Variants in DACH1 observed in about 807,000 individuals in gnomAD.
DACH1 encodes the protein dachshund family transcription factor 1.
DACH1 carries 12 observed loss-of-function variants against 54.2 expected under a neutral mutation model. The observed-to-expected ratio is 0.22, with a 90% CI of 0.14 to 0.36. The LOEUF is 0.36. Among genes scored for constraint, DACH1 ranks in the 10% least tolerant of loss-of-function variants. DACH1 has a pLI of 1.00. For missense variants in DACH1, 805 were observed against 929.8 expected (o/e 0.87, Z 1.75); for synonymous variants, 386 against 366.2 (o/e 1.05, Z -0.62).
intron 1 of DACH1, among the ~76,000 whole-genome samples, chr13:71,809,417 C>T (rs1887627665): frequency 6.6e-6 from 1 of 152,110 alleles, no homozygotes. Flanking sequence ...GTGATCCTCC[C>T]ACTTCGGCCT....
intron 3 of DACH1, among the ~76,000 whole-genome samples, chr13:71,603,607 T>C (rs9599864): frequency 0.12 from 17,634 of 151,972 alleles, 2,230 homozygotes; most frequent in African/African-American, 0.32. Context: ...ATAACTTGTT[T>C]TCTTTTCTGT....
chr13:71,538,242 T>C (rs1480114871), intron 6 of DACH1, among the ~76,000 whole-genome samples: 2 of 152,048 alleles, frequency 1.3e-5, no homozygotes, highest in African/African-American at 4.8e-5. Flanking sequence ...TAGAATGAAA[T>C]GTTCAGTGCC....
chr13:71,782,686 G>A (rs1300320360), intron 1 of DACH1, among the ~76,000 whole-genome samples: 1 of 151,830 alleles, frequency 6.6e-6, no homozygotes, highest in Non-Finnish European at 1.5e-5. Context: ...CCCATAGTGC[G>A]TACTCTGGCA....
chr13:71,448,196 C>G (rs1036991055), intron 10 of DACH1, among the ~76,000 whole-genome samples: 1 of 152,194 alleles, frequency 6.6e-6, no homozygotes, highest in Admixed American at 6.5e-5. Context: ...CATGCAGATG[C>G]CTCACTCTTC....
Position 71,467,518 on chromosome 13 carries a change from T to TA in DACH1, c.2083+7622dup, listed in dbSNP as rs201194334. The stretch of plus-strand genomic sequence containing the variant: ...TATAATAATAATAAAATAAAATAAA[T>TA]AAAAAAGAATAAAATATTTATGCTG... On this transcript the variant is annotated intron_variant, in intron 10 of 10. Transcript: ENST00000613252. 8.9e-3 allele frequency among the ~76,000 whole-genome samples: 1,347 copies of TA among 150,720 alleles called. 9 individuals carry two copies. Among genetic ancestry groups the TA allele is most frequent in the African/African-American group, 0.017 (714 of 41,248 alleles).
intron 10 of DACH1, among the ~76,000 whole-genome samples, chr13:71,450,661 C>T (rs1406621609): frequency 6.6e-6 from 1 of 152,132 alleles, no homozygotes; most frequent in East Asian, 1.9e-4. Context: ...AAAGCTAGGC[C>T]TCTTGCACAG....
At chr13:71,779,346 G>C (rs1430831328) in intron 1 of DACH1, among the ~76,000 whole-genome samples, 1 of 148,606 alleles carries the variant, frequency 6.7e-6, no homozygotes, top group Non-Finnish European at 1.5e-5. Context: ...AACAGAAAAC[G>C]TTTTAAGAGT....
chr13:71,560,555 T>C (rs552111194), intron 4 of DACH1, among the ~76,000 whole-genome samples: 9 of 152,306 alleles, frequency 5.9e-5, no homozygotes, highest in African/African-American at 2.2e-4. Flanking sequence ...CTAGCTTCAA[T>C]TCAACCACAC....
In DACH1 at chr13:71,482,830, G is replaced by C. The variant is rs1045861452; in HGVS notation, c.1723-3514C>G. Among the ~76,000 whole-genome samples, 46 of 120,188 alleles carry C rather than the reference G, an allele frequency of 3.8e-4. No homozygotes were observed. The Admixed American group carries it at 4.9e-3, about 13-fold the overall frequency. 78.8% of individuals were successfully genotyped at this position (120,188 alleles called of 152,430 possible). A position where few individuals can be genotyped will look rare whatever the true frequency, so the allele number is the denominator to read the frequency against. On this transcript the variant is annotated intron_variant, in intron 7 of 10. Coordinates refer to ENST00000613252, the MANE Select transcript of DACH1 (RefSeq NM_080759.6). ...TTTTTTTTTTTTGAGATGGAGTTTC[G>C]ATCTTGTTGCCCAGGCTGGCGTGCA... is the stretch of plus-strand genomic sequence containing the variant.
intron 1 of DACH1, among the ~76,000 whole-genome samples, chr13:71,782,385 T>C (rs1044032131): frequency 3.3e-5 from 5 of 151,982 alleles, no homozygotes; most frequent in African/African-American, 9.7e-5. Flanking sequence ...GAGGTTGAAG[T>C]CAGTGCAGAC....
intron 1 of DACH1, among the ~76,000 whole-genome samples, chr13:71,831,718 G>T (rs933155061): frequency 6.6e-6 from 1 of 151,944 alleles, no homozygotes; most frequent in African/African-American, 2.4e-5. Flanking sequence ...TGAACCGAGG[G>T]ATAACATACA....
chr13:71,866,637 C>T lies in DACH1; in HGVS notation c.133G>A (p.Gly45Arg), dbSNP rs754291080. ...SATSSPAPSI[G>R]PPASSGPTLF... Reference sequence around the variant, plus strand: ...GTTGGCCCAGAGGACGCCGGGGGTCCGATGGAAGGAGCCGGAGACGAAGTC... The same window carrying T: ...GTTGGCCCAGAGGACGCCGGGGGTCTGATGGAAGGAGCCGGAGACGAAGTC... The change falls in exon 1 of 11, where the codon GGA (glycine) becomes AGA (arginine). Residue 45 changes from glycine (G) to arginine (R), a missense_variant. Coordinates refer to ENST00000613252, the MANE Select transcript of DACH1 (RefSeq NM_080759.6). 9 of 1,407,846 alleles carry T rather than the reference C, an allele frequency of 6.4e-6. No homozygotes were observed. The highest frequency in any genetic ancestry group is 2.7e-5 in the East Asian group (1 of 36,562). The allele number at this position is 1,407,846 out of a possible 1,614,324, so 87.2% of individuals were successfully genotyped here. A position where few individuals can be genotyped will look rare whatever the true frequency, so the allele number is the denominator to read the frequency against.
intron 1 of DACH1, among the ~76,000 whole-genome samples, chr13:71,725,820 G>T (rs1566460353): frequency 1.3e-5 from 2 of 152,092 alleles, no homozygotes; most frequent in Admixed American, 6.6e-5. Flanking sequence ...TTTAAGGAAA[G>T]CATGCTTACA....
intron 1 of DACH1, among the ~76,000 whole-genome samples, chr13:71,761,479 C>T (rs977576426): frequency 1.6e-4 from 24 of 152,162 alleles, no homozygotes; most frequent in African/African-American, 5.6e-4. Context: ...CTAAAATCAT[C>T]GTCAAGTAGG....
At chr13:71,600,530 C>T (rs1252680154) in intron 3 of DACH1, among the ~76,000 whole-genome samples, 2 of 151,764 alleles carry the variant, frequency 1.3e-5, no homozygotes, top group African/African-American at 2.4e-5. Flanking sequence ...TACAAGTATA[C>T]ATGCATATTT....
chr13:71,480,733 G>T (rs1877957268), intron 7 of DACH1, among the ~76,000 whole-genome samples: 1 of 152,176 alleles, frequency 6.6e-6, no homozygotes, highest in South Asian at 2.1e-4. Context: ...TTCGAATCAG[G>T]AATTTCTACT....
At chr13:71,588,658 A>G (rs2138453243) in intron 3 of DACH1, among the ~76,000 whole-genome samples, 1 of 152,152 alleles carries the variant, frequency 6.6e-6, no homozygotes, top group Non-Finnish European at 1.5e-5. Flanking sequence ...TTCAGAAACA[A>G]TTTTTTGTAA....
rs1390187779 is a variant in DACH1, at chr13:71,439,247, A to T, written c.*1408T>A. 6.6e-6 allele frequency: 1 copy of T among 152,466 alleles called. No homozygotes were observed. The highest frequency in any genetic ancestry group is 2.4e-5 in the African/African-American group (1 of 41,462). 9.4% of individuals were successfully genotyped at this position (152,466 alleles called of 1,614,324 possible). ...CGTACTGATTCATATCAGTCTTTAA[A>T]GGTGTAATTCCAGATATGCAAAAAA... On this transcript the variant is annotated 3_prime_UTR_variant, in exon 11 of 11. Transcript: ENST00000613252.
rs745509255 is a variant in DACH1 at position 71,438,735 on chromosome 13, T to G, written c.*1920A>C. The G allele has an allele frequency of 1.3e-5, 2 of 152,430 alleles. No individual in the cohort carries two copies. The highest frequency in any genetic ancestry group is 2.9e-5 in the Non-Finnish European group (2 of 67,904). 9.4% of individuals were successfully genotyped at this position (152,430 alleles called of 1,614,324 possible). ...CACAAGTCCATTCAATTTTAAGTGT[T>G]GTAATCCTTTAAAGACTGCATATAG... On this transcript the variant is annotated 3_prime_UTR_variant, in exon 11 of 11. Coordinates refer to ENST00000613252, the MANE Select transcript of DACH1 (RefSeq NM_080759.6).
Sources: gnomAD v4.1 joint callset for allele counts (sites outside exome capture counted in the v4.1 genomes callset) on GRCh38, gnomAD v4.1.1 for gene constraint, MANE v1.5 for transcripts, NCBI Gene and HGNC (gene_info 2026-07-23, HGNC 2026-07-21) for gene names.